Variants in C1orf185 observed in about 807,000 individuals in gnomAD.
The protein encoded by C1orf185 is chromosome 1 open reading frame 185, also known as uncharacterized protein C1orf185.
In C1orf185, 13 loss-of-function variants were observed where a neutral mutation model predicts 16.1. The ratio of observed to expected loss-of-function variants is 0.81; its 90% confidence interval spans 0.53 to 1.28. The LOEUF (loss-of-function observed/expected upper bound fraction) is 1.28, where lower values mean the gene tolerates loss of function less well. Among genes scored for constraint, C1orf185 ranks in the 50% most tolerant of loss-of-function variants. The pLI is 0.00. For synonymous variants in C1orf185, 80 were observed against 76.9 expected (o/e 1.04, Z -0.21); for missense variants, 220 against 225.2 (o/e 0.98, Z 0.15).
chr1:51,136,800 A>G (rs1208229047), intron 3 of C1orf185, among the ~76,000 whole-genome samples: 1 of 152,210 alleles, frequency 6.6e-6, no homozygotes, highest in Non-Finnish European at 1.5e-5. Context: ...AAATGTATAA[A>G]AACCCTGGAA....
Position 51,104,860 on chromosome 1 carries a change from G to A in C1orf185, c.16+2611G>A, listed in dbSNP as rs207460120. 5.3e-5 allele frequency among the ~76,000 whole-genome samples: 8 copies of A among 152,222 alleles called. No individual in the cohort carries two copies. In the South Asian group the frequency reaches 1.5e-3, roughly 28 times the overall value. On this transcript the variant is annotated intron_variant, in intron 1 of 4. Transcript: ENST00000371759. Reference sequence around the variant, plus strand: ...TCTGTTGTTATACCACTGTAAACAGGTTATTCTCATAGCACTCAGGACATT... The same window carrying A: ...TCTGTTGTTATACCACTGTAAACAGATTATTCTCATAGCACTCAGGACATT...
chr1:51,124,076 A>G (rs1268416581), intron 3 of C1orf185, among the ~76,000 whole-genome samples: 1 of 140,122 alleles, frequency 7.1e-6, no homozygotes, highest in Non-Finnish European at 1.5e-5. Flanking sequence ...ATTTCACTGT[A>G]GTTTGTTTTT....
chr1:51,144,247 C>T (rs948718480), intron 3 of C1orf185, among the ~76,000 whole-genome samples: 3 of 152,156 alleles, frequency 2.0e-5, no homozygotes, highest in African/African-American at 7.2e-5. Context: ...TCAGAATCTG[C>T]ATTTTAACAA....
intron 3 of C1orf185, 115 bp from the exon 4 acceptor site, chr1:51,145,609 A>C: frequency 1.9e-6 from 1 of 516,210 alleles, no homozygotes; most frequent in African/African-American, 2.0e-5. Context: ...GGAAAGAAAC[A>C]TTTTCCATTA....
At chr1:51,123,541 A>G (rs1398378474) in intron 3 of C1orf185, among the ~76,000 whole-genome samples, 3 of 152,226 alleles carry the variant, frequency 2.0e-5, no homozygotes, top group Admixed American at 6.5e-5. Flanking sequence ...AGCGAACACA[A>G]TTATGGGATC....
At chr1:51,128,871 T>C (rs1646261562) in intron 3 of C1orf185, among the ~76,000 whole-genome samples, 1 of 152,012 alleles carries the variant, frequency 6.6e-6, no homozygotes, top group Admixed American at 6.6e-5. Context: ...CTTTTTTTGC[T>C]TTTTTTGTTT....
At chr1:51,148,589 TAAGCAGTATAATTTTGCTCCTGC>T (rs995720036), downstream of C1orf185, among the ~76,000 whole-genome samples, 99 of 152,328 alleles carry the variant, frequency 6.5e-4, no homozygotes, top group African/African-American at 2.3e-3. Flanking sequence ...ATGCTTTTAG[TAAGCAGTATAATTTTGCTCCTGC>T]AAGATAGCTT....
intron 4 of C1orf185, among the ~76,000 whole-genome samples, chr1:51,146,816 GAA>G (rs1646403905): frequency 6.6e-6 from 1 of 152,038 alleles, no homozygotes; most frequent in Non-Finnish European, 1.5e-5. Flanking sequence ...TTTGTAAATT[GAA>G]AGTCTCTACA....
At chr1:51,146,482 T>A (rs1399167153) in intron 4 of C1orf185, among the ~76,000 whole-genome samples, 1 of 151,688 alleles carries the variant, frequency 6.6e-6, no homozygotes, top group African/African-American at 2.4e-5. Context: ...AGTTAGTATG[T>A]TTGCAAGAAT....
At chr1:51,108,266 G>T (rs1193230671) in intron 1 of C1orf185, among the ~76,000 whole-genome samples, 1 of 151,792 alleles carries the variant, frequency 6.6e-6, no homozygotes. Flanking sequence ...TGGCCATTTA[G>T]ATTCTCTTTT....
At chr1:51,108,854 C>G (rs536584995) in intron 1 of C1orf185, among the ~76,000 whole-genome samples, 1 of 152,094 alleles carries the variant, frequency 6.6e-6, no homozygotes, top group Non-Finnish European at 1.5e-5. Flanking sequence ...TCTTGGCTAT[C>G]GTGAATAATG....
chr1:51,118,531 G>T, intron 2 of C1orf185, 135 bp from the exon 3 acceptor site: 1 of 519,016 alleles, frequency 1.9e-6, no homozygotes. Flanking sequence ...ATTGACTTGT[G>T]CTTTTAAAAA....
At chr1:51,145,658 A>C (rs1646393930) in intron 3 of C1orf185, 66 bp from the exon 4 acceptor site, 1 of 882,368 alleles carries the variant, frequency 1.1e-6, no homozygotes, top group Non-Finnish European at 1.7e-6. Flanking sequence ...CTCATATAAA[A>C]TATATGAAAG....
At chr1:51,141,598 A>G (rs1390043850) in intron 3 of C1orf185, among the ~76,000 whole-genome samples, 1 of 152,220 alleles carries the variant, frequency 6.6e-6, no homozygotes, top group East Asian at 1.9e-4. Flanking sequence ...GAGGTGTCCC[A>G]AAAGCCTAGT....
chr1:51,131,014 T>G (rs1646279421), intron 3 of C1orf185, among the ~76,000 whole-genome samples: 1 of 152,232 alleles, frequency 6.6e-6, no homozygotes. Context: ...GCAATTCTCC[T>G]GCCTCAGCCT....
chr1:51,115,570 C>T (rs964947250), intron 2 of C1orf185, among the ~76,000 whole-genome samples: 1 of 152,022 alleles, frequency 6.6e-6, no homozygotes, highest in Admixed American at 6.6e-5. Context: ...TAGGTAAATA[C>T]CTAAAACTAG....
chr1:51,132,596 A>G (rs572073381), intron 3 of C1orf185, among the ~76,000 whole-genome samples: 13 of 152,338 alleles, frequency 8.5e-5, no homozygotes, highest in African/African-American at 3.1e-4. Flanking sequence ...GGATAATGTA[A>G]AGAGACCCAA....
At chr1:51,129,842 G>A (rs528080745) in intron 3 of C1orf185, 2 of 152,210 alleles carry the variant, frequency 1.3e-5, no homozygotes, top group South Asian at 2.1e-4. Flanking sequence ...TTCCATTCAT[G>A]AGAGTCCAAG....
chr1:51,136,118 A>G (rs762935389), intron 3 of C1orf185, among the ~76,000 whole-genome samples: 3 of 152,222 alleles, frequency 2.0e-5, no homozygotes, highest in Non-Finnish European at 2.9e-5. Flanking sequence ...AAATAACTCT[A>G]TAAGAAGAAC....
Sources: gnomAD v4.1 joint callset for allele counts (sites outside exome capture counted in the v4.1 genomes callset) on GRCh38, gnomAD v4.1.1 for gene constraint, MANE v1.5 for transcripts, NCBI Gene and HGNC (gene_info 2026-07-23, HGNC 2026-07-21) for gene names.